RALYL: variants seen among roughly 807,000 people sequenced by gnomAD.
RALYL encodes the protein RALY RNA binding protein like.
Under a neutral mutation model 35.1 loss-of-function variants are expected in RALYL, and 29 were observed. The observed-to-expected ratio is 0.83, with a 90% CI of 0.61 to 1.13. RALYL has a LOEUF of 1.13. RALYL is among the 50% of genes most tolerant of loss of function. RALYL has a pLI of 0.00. For synonymous variants in RALYL, 120 were observed against 127.6 expected (o/e 0.94, Z 0.40); for missense variants, 359 against 360.4 (o/e 1.00, Z 0.03).
chr8:84,486,721 T>A (rs1218870806), intron 1 of RALYL, among the ~76,000 whole-genome samples: 1 of 152,082 alleles, frequency 6.6e-6, no homozygotes, highest in East Asian at 1.9e-4. Flanking sequence ...AATAAGTGGT[T>A]ACATTGAAAG....
intron 5 of RALYL, among the ~76,000 whole-genome samples, chr8:84,857,195 C>T (rs1315121948): frequency 1.3e-5 from 2 of 152,102 alleles, no homozygotes; most frequent in Non-Finnish European, 2.9e-5. Context: ...AGACATGGAG[C>T]AAGATCTTCT....
intron 2 of RALYL, among the ~76,000 whole-genome samples, chr8:84,602,666 C>T (rs1337339929): frequency 6.6e-6 from 1 of 152,100 alleles, no homozygotes; most frequent in Non-Finnish European, 1.5e-5. Flanking sequence ...TGTATCTATC[C>T]TATCACTTGC....
At chr8:84,519,833 G>A (rs912768910) in intron 1 of RALYL, among the ~76,000 whole-genome samples, 3 of 152,168 alleles carry the variant, frequency 2.0e-5, no homozygotes, top group Non-Finnish European at 2.9e-5. Context: ...AGCCCAGTAA[G>A]GGATCTTTCC....
chr8:84,488,666 C>T (rs1161498801), intron 1 of RALYL, among the ~76,000 whole-genome samples: 1 of 151,948 alleles, frequency 6.6e-6, no homozygotes, highest in Non-Finnish European at 1.5e-5. Flanking sequence ...TATCCCATTT[C>T]CCATTCATAG....
At chr8:84,386,893 A>G (rs1400508563) in intron 1 of RALYL, among the ~76,000 whole-genome samples, 1 of 151,726 alleles carries the variant, frequency 6.6e-6, no homozygotes, top group East Asian at 1.9e-4. Flanking sequence ...TCAATAACTG[A>G]CACCTATTTG....
chr8:84,688,872 A>G (rs1285290521), intron 2 of RALYL, among the ~76,000 whole-genome samples: 1 of 152,136 alleles, frequency 6.6e-6, no homozygotes, highest in Non-Finnish European at 1.5e-5. Flanking sequence ...TCAATAGCGA[A>G]CAGCAAATAA....
chr8:84,833,560 C>A (rs938594833), intron 4 of RALYL, among the ~76,000 whole-genome samples: 1 of 151,646 alleles, frequency 6.6e-6, no homozygotes, highest in Admixed American at 6.6e-5. Flanking sequence ...ATTGCTTGAA[C>A]CCAGGAGGCG....
chr8:84,587,805 C>G (rs1195353343), intron 2 of RALYL, among the ~76,000 whole-genome samples: 1 of 152,066 alleles, frequency 6.6e-6, no homozygotes, highest in Non-Finnish European at 1.5e-5. Flanking sequence ...TATGAGTAGC[C>G]CACATTCTAC....
At chr8:84,438,946 CT>C (rs35901188) in intron 1 of RALYL, among the ~76,000 whole-genome samples, 25 of 149,740 alleles carry the variant, frequency 1.7e-4, no homozygotes, top group Admixed American at 1.0e-3. Context: ...GTCTATGTAT[CT>C]TTTTTTTTTA....
In RALYL at chr8:84,804,787, C is replaced by A. The variant is rs780449163; in HGVS notation, c.350C>A (p.Pro117His). ...TTTCATAGACTTGAATCAAAGGAAC[C>A]TTTCCTGTCTGTTGGGTAAGTATAT... The part of the protein sequence containing the change: ...SALYRLESKE[P>H]FLSVGGYVFD... The change falls in exon 4 of 9, where the codon CCT (proline) becomes CAT (histidine). Residue 117 changes from proline (P) to histidine (H), a missense_variant. Physicochemically the swap from Pro to His is moderately conservative, Grantham distance 77 (BLOSUM62 -2). Transcript: ENST00000521268. 2 of 1,169,460 alleles carry A rather than the reference C, an allele frequency of 1.7e-6. No homozygotes were observed. The highest frequency in any genetic ancestry group is 2.1e-5 in the South Asian group (1 of 46,576). 72.4% of individuals were successfully genotyped at this position (1,169,460 alleles called of 1,614,324 possible). A position where few individuals can be genotyped will look rare whatever the true frequency, so the allele number is the denominator to read the frequency against.
At chr8:84,461,802 CAT>C (rs1200897065) in intron 1 of RALYL, among the ~76,000 whole-genome samples, 1 of 151,658 alleles carries the variant, frequency 6.6e-6, no homozygotes. Context: ...AGTAAGATTA[CAT>C]ATAAGTCTTC....
intron 1 of RALYL, among the ~76,000 whole-genome samples, chr8:84,309,192 A>C (rs1430851769): frequency 6.6e-6 from 1 of 151,286 alleles, no homozygotes; most frequent in African/African-American, 2.4e-5. Flanking sequence ...AAACAAACAA[A>C]ATTTAAAAAT....
At chr8:84,257,902 G>C (rs937550542) in intron 1 of RALYL, among the ~76,000 whole-genome samples, 1 of 152,130 alleles carries the variant, frequency 6.6e-6, no homozygotes, top group East Asian at 1.9e-4. Flanking sequence ...GTCATTTCTA[G>C]ATGAGACTAT....
intron 4 of RALYL, among the ~76,000 whole-genome samples, chr8:84,831,112 A>T (rs1222458070): frequency 6.6e-6 from 1 of 152,176 alleles, no homozygotes; most frequent in African/African-American, 2.4e-5. Flanking sequence ...ATCTGTAAAT[A>T]ATAGCCATTA....
chr8:84,315,123 C>T (rs1404559769), intron 1 of RALYL, among the ~76,000 whole-genome samples: 1 of 152,074 alleles, frequency 6.6e-6, no homozygotes, highest in African/African-American at 2.4e-5. Flanking sequence ...GATAACAAAA[C>T]ATTGGAAATA....
At chr8:84,455,088 G>C (rs2049979720) in intron 1 of RALYL, among the ~76,000 whole-genome samples, 1 of 152,014 alleles carries the variant, frequency 6.6e-6, no homozygotes, top group African/African-American at 2.4e-5. Flanking sequence ...GCCAGGCGCT[G>C]CACAGAATTT....
At chr8:84,562,533 A>G (rs555033594) in intron 2 of RALYL, among the ~76,000 whole-genome samples, 120 of 152,116 alleles carry the variant, frequency 7.9e-4, no homozygotes, top group Middle Eastern at 3.4e-3. Context: ...TCCATCAAGT[A>G]GGTGAAAGAT....
chr8:84,729,790 T>C (rs1845772884), intron 2 of RALYL, among the ~76,000 whole-genome samples: 1 of 151,986 alleles, frequency 6.6e-6, no homozygotes. Flanking sequence ...CTAGAAGAAA[T>C]GGATAAATTC....
At chr8:84,214,113 G>A (rs972966526) in intron 1 of RALYL, among the ~76,000 whole-genome samples, 3 of 151,848 alleles carry the variant, frequency 2.0e-5, no homozygotes, top group Admixed American at 6.6e-5. Context: ...AGTACTTTAG[G>A]CCAATTATTT....
Sources: allele counts gnomAD v4.1 joint callset (sites outside exome capture counted in the v4.1 genomes callset), GRCh38; gene constraint gnomAD v4.1.1; transcripts MANE v1.5; gene names NCBI Gene and HGNC (gene_info 2026-07-23, HGNC 2026-07-21).